The following SERGEF variants were observed in gnomAD, a reference collection of about 807,000 sequenced individuals.
SERGEF encodes secretion regulating guanine nucleotide exchange factor.
A neutral mutation model predicts 50.0 loss-of-function variants in SERGEF; 51 were observed. The ratio of observed to expected loss-of-function variants is 1.02; its 90% CI spans 0.81 to 1.29. The LOEUF (loss-of-function observed/expected upper bound fraction) is 1.29, where lower values mean the gene tolerates loss of function less well. Ranked by LOEUF, SERGEF falls within the 50% of genes most tolerant of loss-of-function variation. SERGEF has a pLI of 0.00. For synonymous variants in SERGEF, 205 were observed against 212.4 expected (o/e 0.97, Z 0.30); for missense variants, 521 against 557.0 (o/e 0.94, Z 0.65).
chr11:17,822,844 T>C (rs563156001), intron 10 of SERGEF, among the ~76,000 whole-genome samples: 12 of 152,304 alleles, frequency 7.9e-5, no homozygotes, highest in African/African-American at 2.9e-4. Context: ...AAACTCTTAA[T>C]TTTAGAATAG....
chr11:17,913,501 G>A (rs1252824589), intron 9 of SERGEF, among the ~76,000 whole-genome samples: 1 of 152,188 alleles, frequency 6.6e-6, no homozygotes, highest in African/African-American at 2.4e-5. Flanking sequence ...GCTGGAATTA[G>A]CTAGAGAAGA....
intron 8 of SERGEF, among the ~76,000 whole-genome samples, chr11:17,968,323 C>T (rs1465235549): frequency 6.6e-6 from 1 of 152,186 alleles, no homozygotes; most frequent in African/African-American, 2.4e-5. Context: ...TAGATAGAAA[C>T]AGATCCAGGC....
chr11:17,796,692 T>G (rs574720806), intron 10 of SERGEF, among the ~76,000 whole-genome samples: 1 of 152,324 alleles, frequency 6.6e-6, no homozygotes, highest in African/African-American at 2.4e-5. Flanking sequence ...CAGCAAAACA[T>G]GGACTAAAAC....
intron 9 of SERGEF, among the ~76,000 whole-genome samples, chr11:17,930,840 T>TA (rs781489663): frequency 6.6e-6 from 1 of 152,142 alleles, no homozygotes; most frequent in Non-Finnish European, 1.5e-5. Context: ...TAAGGGCCCT[T>TA]ACAGTGAGAA....
intron 10 of SERGEF, among the ~76,000 whole-genome samples, chr11:17,835,825 G>A (rs1359084063): frequency 1.3e-5 from 2 of 152,060 alleles, no homozygotes; most frequent in African/African-American, 2.4e-5. Context: ...GTTTTTAGAC[G>A]GCATATCTGA....
chr11:17,945,670 C>T (rs1049796210), intron 9 of SERGEF, among the ~76,000 whole-genome samples: 9 of 152,004 alleles, frequency 5.9e-5, no homozygotes, highest in Non-Finnish European at 1.5e-5. Flanking sequence ...AGCTAGCCTG[C>T]CACTATAAAA....
chr11:17,926,640 C>G (rs1017292024), intron 9 of SERGEF: 17 of 413,266 alleles, frequency 4.1e-5, no homozygotes, highest in Middle Eastern at 3.5e-4. Context: ...CCATGCCCTC[C>G]TTTATGCCAG....
intron 2 of SERGEF, 26 bp downstream of exon 2, chr11:18,007,915 G>A (rs755474799): frequency 9.4e-6 from 15 of 1,591,606 alleles, no homozygotes; most frequent in Middle Eastern, 1.7e-4. Context: ...GAAAATGAGT[G>A]ACTATCTACT....
intron 10 of SERGEF, among the ~76,000 whole-genome samples, chr11:17,877,252 G>T (rs1250600514): frequency 6.6e-6 from 1 of 152,232 alleles, no homozygotes; most frequent in African/African-American, 2.4e-5. Context: ...CAGTGGTGGG[G>T]TTGTAACAAG....
At chr11:17,843,021 C>T (rs1246974641) in intron 10 of SERGEF, among the ~76,000 whole-genome samples, 1 of 152,200 alleles carries the variant, frequency 6.6e-6, no homozygotes, top group Non-Finnish European at 1.5e-5. Context: ...CATAAGGATC[C>T]CCAACCTATA....
intron 10 of SERGEF, among the ~76,000 whole-genome samples, chr11:17,844,299 T>C (rs904250947): frequency 2.6e-5 from 4 of 152,222 alleles, no homozygotes; most frequent in African/African-American, 9.6e-5. Context: ...ATGGATTAGG[T>C]AGTTCTTGAC....
chr11:18,012,788 CT>C, intron 1 of SERGEF, 162 bp downstream of exon 1: 2 of 1,363,556 alleles, frequency 1.5e-6, no homozygotes, highest in Non-Finnish European at 2.0e-6. Flanking sequence ...CGCCCGCCCG[CT>C]CCTCCTCCGC....
intron 8 of SERGEF, among the ~76,000 whole-genome samples, chr11:17,988,218 T>C (rs561431271): frequency 6.6e-6 from 1 of 152,334 alleles, no homozygotes; most frequent in South Asian, 2.1e-4. Context: ...CTTTAGATAT[T>C]TATCTTTCAC....
intron 10 of SERGEF, among the ~76,000 whole-genome samples, chr11:17,796,311 G>A (rs1849571370): frequency 6.6e-6 from 1 of 152,216 alleles, no homozygotes; most frequent in Non-Finnish European, 1.5e-5. Flanking sequence ...AGAGGACACA[G>A]GCACTGTCAG....
At chr11:17,919,420 G>C (rs1007053362) in intron 9 of SERGEF, among the ~76,000 whole-genome samples, 1 of 152,054 alleles carries the variant, frequency 6.6e-6, no homozygotes, top group Non-Finnish European at 1.5e-5. Flanking sequence ...AGGGTAATGG[G>C]AATGAGGAAA....
Position 17,788,222 on chromosome 11 carries a change from C to T in SERGEF, c.1240G>A (p.Val414Ile), listed in dbSNP as rs374151490. 1 of 1,612,604 alleles carries T rather than the reference C, an allele frequency of 6.2e-7. No individual in the cohort carries two copies. Among genetic ancestry groups the T allele is most frequent in the Non-Finnish European group, 8.5e-7 (1 of 1,178,778 alleles). ...AHPALVQDPK[V>I]TYLSPDAIED... is the part of the protein sequence containing the mutation. ...ATGGCATCTGGGGAAAGGTAGGTGACCTTGGGGTCCTGGACCAATGCAGGG... is the reference window on the plus strand; with the variant it reads ...ATGGCATCTGGGGAAAGGTAGGTGATCTTGGGGTCCTGGACCAATGCAGGG... Residue 414 changes from valine to isoleucine, a missense_variant, in exon 11 of 11, where the codon GTC (valine) becomes ATC (isoleucine). Coordinates refer to ENST00000265965, the MANE Select transcript of SERGEF (RefSeq NM_012139.4).
At chr11:17,875,301 AG>A (rs1482108134) in intron 10 of SERGEF, among the ~76,000 whole-genome samples, 2 of 152,240 alleles carry the variant, frequency 1.3e-5, no homozygotes, top group Non-Finnish European at 2.9e-5. Flanking sequence ...CAGGTAGTGC[AG>A]AGCCAAAGTT....
intron 9 of SERGEF, among the ~76,000 whole-genome samples, chr11:17,927,396 A>G (rs1852271749): frequency 6.6e-6 from 1 of 152,216 alleles, no homozygotes; most frequent in Admixed American, 6.5e-5. Context: ...GACTACCAAC[A>G]TACCCGATTT....
At chr11:17,924,365 T>C (rs1256873188) in intron 9 of SERGEF, among the ~76,000 whole-genome samples, 1 of 152,168 alleles carries the variant, frequency 6.6e-6, no homozygotes, top group East Asian at 1.9e-4. Flanking sequence ...AGGCCATGTG[T>C]GAAGTCAGAG....
Sources: gnomAD v4.1 joint callset for allele counts (sites outside exome capture counted in the v4.1 genomes callset) on GRCh38, gnomAD v4.1.1 for gene constraint, MANE v1.5 for transcripts, NCBI Gene and HGNC (gene_info 2026-07-23, HGNC 2026-07-21) for gene names.